Variants in CACNA1D observed in about 807,000 individuals in gnomAD.
The protein encoded by CACNA1D is calcium voltage-gated channel subunit alpha1 D.
In CACNA1D, 55 loss-of-function variants were observed where a neutral mutation model predicts 257.1. That is an observed-to-expected ratio of 0.21 (90% CI 0.17 to 0.27). The LOEUF is 0.27. Among genes scored for constraint, CACNA1D ranks in the 10% least tolerant of loss-of-function variants. The pLI is 1.00. For missense variants in CACNA1D, 1,876 were observed against 2,784.0 expected, an observed-to-expected ratio of 0.67 and a Z score of 7.34; for synonymous variants, 980 against 1,014.9, an observed-to-expected ratio of 0.97 and a Z score of 0.65.
chr3:53,697,649 T>G (rs2094584509), intron 8 of CACNA1D, among the ~76,000 whole-genome samples: 3 of 152,212 alleles, frequency 2.0e-5, no homozygotes, highest in Admixed American at 2.0e-4. Flanking sequence ...TTACCCCAGT[T>G]CACCTAATAT....
chr3:53,543,117 G>C (rs974668408), intron 3 of CACNA1D, among the ~76,000 whole-genome samples: 3 of 140,696 alleles, frequency 2.1e-5, no homozygotes, highest in Non-Finnish European at 3.0e-5. Context: ...AACAGCAGCA[G>C]TAAAAAATAA....
chr3:53,641,658 A>T (rs2093952004), intron 3 of CACNA1D, among the ~76,000 whole-genome samples: 2 of 152,184 alleles, frequency 1.3e-5, no homozygotes, highest in South Asian at 4.1e-4. Context: ...CCTGGGATGC[A>T]CGGGATGGGA....
At position 53,811,577 on chromosome 3, in the gene CACNA1D, C is replaced by A; in HGVS notation, c.*171C>A. ...AAGAAAGCCATAAACCTGGTAGGAA[C>A]AGGTCCCAAGCGGTTGAGCCTGGCA... On this transcript the variant is annotated 3_prime_UTR_variant, in exon 48 of 48. Coordinates refer to ENST00000350061, the MANE Select transcript of CACNA1D (RefSeq NM_001128840.3). This position sits in a 1 kb window ranked among gnomAD's most constrained non-coding sequence, Gnocchi z 4.2. 1.6e-6 allele frequency: 1 copy of A among 608,502 alleles called. No individual in the cohort carries two copies. Among genetic ancestry groups the A allele is most frequent in the Non-Finnish European group, 2.8e-6 (1 of 359,508 alleles). The allele number at this position is 608,502 out of a possible 1,614,324, so 37.7% of individuals were successfully genotyped here. A position where few individuals can be genotyped will look rare whatever the true frequency, so the allele number is the denominator to read the frequency against.
intron 11 of CACNA1D, among the ~76,000 whole-genome samples, chr3:53,720,002 C>T (rs374428632): frequency 9.9e-5 from 15 of 152,096 alleles, no homozygotes; most frequent in African/African-American, 1.9e-4. Context: ...GACTCAGTAA[C>T]GAGTTTTGCC....
Position 53,620,592 on chromosome 3 carries a change from G to C in CACNA1D, c.484-30187G>C, listed in dbSNP as rs1002296604. On this transcript the variant is annotated intron_variant, in intron 3 of 47. Transcript: ENST00000350061. ...AGGCGTGAGCCATGATTCCCCACCT[G>C]GTCCCTCTGTTAAAGCAGAACTCAC... 2.4e-4 allele frequency among the ~76,000 whole-genome samples: 36 copies of C among 152,222 alleles called. No homozygotes were observed. In the South Asian group the frequency reaches 6.8e-3, roughly 29 times the overall value.
chr3:53,718,614 G>T, intron 10 of CACNA1D: 1 of 674,438 alleles, frequency 1.5e-6, no homozygotes, highest in South Asian at 1.5e-5. Flanking sequence ...CATTTCACAT[G>T]CCTCTTCCTG....
intron 3 of CACNA1D, among the ~76,000 whole-genome samples, chr3:53,531,847 C>CT (rs568951702): frequency 6.6e-6 from 1 of 152,180 alleles, no homozygotes; most frequent in Non-Finnish European, 1.5e-5. Context: ...TGCTGGTCTA[C>CT]TTTTTTTCTT....
At position 53,641,057 on chromosome 3, in the gene CACNA1D, G is replaced by A. The variant is rs150216032; in HGVS notation, c.484-9722G>A. 4.8e-3 allele frequency among the ~76,000 whole-genome samples: 734 copies of A among 152,312 alleles called. 9 individuals are homozygous for A. Among genetic ancestry groups the A allele is most frequent in the African/African-American group, 0.016 (673 of 41,562 alleles). ...TTGGAAAAGAGCAGACGTGAAGACCGTACCTTCCAGTGAGTATGCAGATAT... is the reference window on the plus strand; with the variant it reads ...TTGGAAAAGAGCAGACGTGAAGACCATACCTTCCAGTGAGTATGCAGATAT... On this transcript the variant is annotated intron_variant, in intron 3 of 47. Transcript: ENST00000350061.
intron 3 of CACNA1D, among the ~76,000 whole-genome samples, chr3:53,646,879 G>A (rs895916668): frequency 1.3e-5 from 2 of 152,160 alleles, no homozygotes; most frequent in Non-Finnish European, 2.9e-5. Context: ...CTTAAAATAG[G>A]AAAGGAAAGT....
chr3:53,747,349 T>C lies in CACNA1D; in HGVS notation c.3215T>C (p.Val1072Ala). The change falls in exon 26 of 48, where the codon GTC (valine) becomes GCC (alanine). Residue 1072 changes from valine (V) to alanine (A), a missense_variant. Val to Ala is a moderately conservative substitution (Grantham distance 64). Around this residue, in one of 10 missense-constraint regions of CACNA1D, gnomAD observed 271 missense variants for 425.5 expected, o/e 0.64. Transcript: ENST00000350061. ...YKDGDVDSPVVRERIWQNSDF... is the reference protein window; with the variant it reads ...YKDGDVDSPVARERIWQNSDF... ...GATGGGGATGTTGACAGTCCTGTGG[T>C]CCGTGAACGGATCTGGCAAAACAGT... 1 of 1,613,974 alleles carries C rather than the reference T, an allele frequency of 6.2e-7. No homozygotes were observed. Among genetic ancestry groups the C allele is most frequent in the Non-Finnish European group, 8.5e-7 (1 of 1,179,810 alleles).
At chr3:53,695,069 A>G (rs773909968) in intron 8 of CACNA1D, among the ~76,000 whole-genome samples, 5 of 152,162 alleles carry the variant, frequency 3.3e-5, no homozygotes, top group Admixed American at 1.3e-4. Context: ...TTGGGTGTCA[A>G]TGCCACCAAA....
intron 8 of CACNA1D, among the ~76,000 whole-genome samples, chr3:53,693,633 G>A (rs1054813034): frequency 6.6e-6 from 1 of 152,080 alleles, no homozygotes; most frequent in Non-Finnish European, 1.5e-5. Flanking sequence ...TCTAAAGAAG[G>A]CTGGACTCCC....
At chr3:53,505,782 G>A (rs549217538) in intron 3 of CACNA1D, among the ~76,000 whole-genome samples, 1 of 152,164 alleles carries the variant, frequency 6.6e-6, no homozygotes, top group Non-Finnish European at 1.5e-5. Flanking sequence ...AGGAAATTTT[G>A]TACTCTGGTT....
At chr3:53,564,654 G>A (rs1002038161) in intron 3 of CACNA1D, among the ~76,000 whole-genome samples, 3 of 151,972 alleles carry the variant, frequency 2.0e-5, no homozygotes, top group Admixed American at 6.6e-5. Flanking sequence ...TTAAATTAGC[G>A]TTTATGGAGT....
At chr3:53,763,068 C>T (rs3821864) in intron 30 of CACNA1D, among the ~76,000 whole-genome samples, 5,640 of 152,274 alleles carry the variant, frequency 0.037, 165 homozygotes, top group East Asian at 0.13. Flanking sequence ...ACCCCACAGC[C>T]AGCTATGCCC....
Position 53,665,718 on chromosome 3 carries a change from C to T in CACNA1D, c.825C>T (p.Ala275=), listed in dbSNP as rs193196995. The change falls in exon 6 of 48, where the codon GCC becomes GCT. Residue 275 remains alanine, a synonymous_variant. Transcript: ENST00000350061. ...IKAMVPLLHI[A]LLVLFVIIIY... ...CCATGGTTCCCCTCCTTCACATAGC[C>T]CTTTTGGTATTATTTGTAATCATAA... 1.2e-4 allele frequency: 187 copies of T among 1,606,626 alleles called. No individual in the cohort carries two copies. In the Middle Eastern group the frequency reaches 3.3e-3, roughly 28 times the overall value.
intron 3 of CACNA1D, among the ~76,000 whole-genome samples, chr3:53,563,700 ACTT>A (rs1244011619): frequency 6.6e-6 from 1 of 152,106 alleles, no homozygotes. Context: ...CCTCAATAAT[ACTT>A]CTTAGATTTA....
At chr3:53,611,122 C>A (rs2093578155) in intron 3 of CACNA1D, among the ~76,000 whole-genome samples, 1 of 152,178 alleles carries the variant, frequency 6.6e-6, no homozygotes, top group African/African-American at 2.4e-5. Flanking sequence ...CTCATGCCTG[C>A]AATCCCAGCA....
chr3:53,640,887 A>G (rs985722223), intron 3 of CACNA1D, among the ~76,000 whole-genome samples: 4 of 152,156 alleles, frequency 2.6e-5, no homozygotes, highest in African/African-American at 7.2e-5. Context: ...GGGGGTTAGA[A>G]GCAGCAGGCA....
Sources: allele counts gnomAD v4.1 joint callset (sites outside exome capture counted in the v4.1 genomes callset), GRCh38; gene constraint gnomAD v4.1.1; regional missense constraint gnomAD v4.1.1; non-coding constraint Gnocchi (gnomAD v3.1); transcripts MANE v1.5; gene names NCBI Gene and HGNC (gene_info 2026-07-23, HGNC 2026-07-21).